JOSD1: variants seen among roughly 807,000 people sequenced by gnomAD.
JOSD1 encodes Josephin domain containing 1, also known as josephin-1.
JOSD1 carries 11 observed loss-of-function variants against 24.3 expected under a neutral mutation model. That is an observed-to-expected ratio of 0.45 (90% confidence interval 0.29 to 0.75). The LOEUF (loss-of-function observed/expected upper bound fraction) is 0.75, where lower values mean the gene tolerates loss of function less well. JOSD1 is among the 30% of genes least tolerant of loss of function. JOSD1 has a pLI of 0.11. For missense variants in JOSD1, 184 were observed against 253.5 expected (o/e 0.73, Z 1.86); for synonymous variants, 106 against 93.8 (o/e 1.13, Z -0.75).
chr22:38,692,799 A>AAG, intron 2 of JOSD1, among the ~76,000 whole-genome samples: 1 of 150,854 alleles, frequency 6.6e-6, no homozygotes, highest in African/African-American at 2.4e-5. Flanking sequence ...AAAAAAAAAA[A>AAG]AAAAAAGAAA....
chr22:38,700,756 G>A, intron 1 of JOSD1, 44 bp downstream of exon 1: 1 of 984,106 alleles, frequency 1.0e-6, no homozygotes, highest in Non-Finnish European at 1.2e-6. Context: ...TCAGCCTCGC[G>A]CTCCCGGGCC....
Position 38,700,552 on chromosome 22 carries a change from G to A in JOSD1, c.-565C>T. 1.0e-6 allele frequency: 1 copy of A among 985,774 alleles called. No individual in the cohort carries two copies. The highest frequency in any genetic ancestry group is 1.2e-6 in the Non-Finnish European group (1 of 830,162). The allele number at this position is 985,774 out of a possible 1,614,324, so 61.1% of individuals were successfully genotyped here. On this transcript the variant is annotated 5_prime_UTR_variant, in exon 2 of 5. Transcript: ENST00000683374. ...TCGGGGGCAGCCCTCCATCCCCTCGGGTACGGTGGGGCCCGCAGGGCGCGG... is the reference window on the plus strand; with the variant it reads ...TCGGGGGCAGCCCTCCATCCCCTCGAGTACGGTGGGGCCCGCAGGGCGCGG...
intron 2 of JOSD1, 126 bp downstream of exon 2, chr22:38,699,677 C>G: frequency 1.1e-6 from 1 of 899,872 alleles, no homozygotes; most frequent in Non-Finnish European, 1.8e-6. Flanking sequence ...TCTTGTGTCC[C>G]TTATACCTGC....
chr22:38,691,991 T>G (rs1171735772), intron 2 of JOSD1, among the ~76,000 whole-genome samples: 1 of 152,190 alleles, frequency 6.6e-6, no homozygotes, highest in Admixed American at 6.5e-5. Context: ...TGTTCAGTGT[T>G]TATTTTTGTT....
intron 4 of JOSD1, among the ~76,000 whole-genome samples, chr22:38,688,451 C>G (rs1438029671): frequency 6.6e-6 from 1 of 152,126 alleles, no homozygotes; most frequent in East Asian, 1.9e-4. Context: ...TTAGTAGAGA[C>G]AGAGTTTCAC....
intron 2 of JOSD1, 112 bp from the exon 3 acceptor site, chr22:38,689,536 C>T: frequency 1.4e-6 from 2 of 1,387,444 alleles, no homozygotes; most frequent in Non-Finnish European, 2.0e-6. Flanking sequence ...AGTTAGTTTC[C>T]CCACATTCAA....
chr22:38,700,697 A>T, intron 1 of JOSD1, 79 bp from the exon 2 acceptor site: 1 of 973,126 alleles, frequency 1.0e-6, no homozygotes, highest in Non-Finnish European at 1.2e-6. Context: ...TGCCCGAGGG[A>T]AGGTTCCGCG....
chr22:38,689,916 G>C (rs1170080412), intron 2 of JOSD1, among the ~76,000 whole-genome samples: 5 of 138,906 alleles, frequency 3.6e-5, no homozygotes, highest in East Asian at 2.0e-4. Flanking sequence ...GGCATTCTGT[G>C]TGTGTGTGTG....
Position 38,699,972 on chromosome 22 carries a change from A to G in JOSD1, c.16T>C (p.Trp6Arg), listed in dbSNP as rs202131287. ...TCAGATTTGGCCTTGTCTCCTTTCCATGGCACACAACTCATGTTTTTTGTT... is the reference window on the plus strand; with the variant it reads ...TCAGATTTGGCCTTGTCTCCTTTCCGTGGCACACAACTCATGTTTTTTGTT... MSCVP[W>R]KGDKAKSESL... is the part of the protein sequence containing the mutation. Residue 6 changes from tryptophan to arginine, a missense_variant, in exon 2 of 5, where the codon TGG (tryptophan) becomes CGG (arginine). Transcript: ENST00000683374. 2 of 1,608,486 alleles carry G rather than the reference A, an allele frequency of 1.2e-6. No individual in the cohort carries two copies. Among genetic ancestry groups the G allele is most frequent in the Non-Finnish European group, 1.7e-6 (2 of 1,176,874 alleles).
intron 1 of JOSD1, 31 bp downstream of exon 1, chr22:38,700,769 C>G: frequency 1.0e-6 from 1 of 984,802 alleles, no homozygotes; most frequent in Non-Finnish European, 1.2e-6. Context: ...CCCGGGCCCG[C>G]GCCCACCCGG....
intron 2 of JOSD1, among the ~76,000 whole-genome samples, chr22:38,699,563 C>T (rs2092558660): frequency 6.6e-6 from 1 of 152,200 alleles, no homozygotes; most frequent in Non-Finnish European, 1.5e-5. Flanking sequence ...AACACGTATT[C>T]CACGGGACTG....
upstream of JOSD1, chr22:38,701,225 G>T (rs1484407354): frequency 3.3e-5 from 5 of 153,294 alleles, no homozygotes; most frequent in African/African-American, 1.2e-4. Flanking sequence ...GCTCGGCGCG[G>T]CCCCTGGCGG....
intron 2 of JOSD1, among the ~76,000 whole-genome samples, chr22:38,694,081 C>T (rs998067014): frequency 6.6e-6 from 1 of 152,184 alleles, no homozygotes. Flanking sequence ...AATTTGAATA[C>T]AGGAAATATT....
intron 2 of JOSD1, among the ~76,000 whole-genome samples, chr22:38,694,283 T>G (rs2092535498): frequency 6.6e-6 from 1 of 152,136 alleles, no homozygotes; most frequent in Non-Finnish European, 1.5e-5. Flanking sequence ...GTGCAAAGGT[T>G]ATGGTGACTT....
In JOSD1 at chr22:38,687,756, C is replaced by T. The variant is rs1305677041; in HGVS notation, c.*146G>A. On this transcript the variant is annotated 3_prime_UTR_variant, in exon 5 of 5. Transcript: ENST00000683374. ...TGAGTAGTTCTTATAACAGTCCACA[C>T]GTCTGTCCTATTGCACTGTCAGATC... 1.3e-5 allele frequency: 8 copies of T among 633,010 alleles called. No homozygotes were observed. Among genetic ancestry groups the T allele is most frequent in the South Asian group, 1.9e-5 (1 of 52,244 alleles). The allele number at this position is 633,010 out of a possible 1,614,324, so 39.2% of individuals were successfully genotyped here.
At chr22:38,693,251 A>G (rs2092530951) in intron 2 of JOSD1, among the ~76,000 whole-genome samples, 1 of 152,214 alleles carries the variant, frequency 6.6e-6, no homozygotes, top group South Asian at 2.1e-4. Flanking sequence ...TAGCTTTCCA[A>G]TGATCTTTCT....
intron 2 of JOSD1, among the ~76,000 whole-genome samples, chr22:38,691,107 G>GCAATCC (rs2092519994): frequency 6.6e-6 from 1 of 152,118 alleles, no homozygotes; most frequent in Non-Finnish European, 1.5e-5. Context: ...GCTCACACCT[G>GCAATCC]CAATCCCAGC....
At position 38,700,897 on chromosome 22, in the gene JOSD1, C is replaced by G. The variant is rs1434462952; in HGVS notation, c.-729G>C. ...CCGGGACTGCTCGCCGCTGGCGGTC[C>G]CCTCACCGCAGCCGGCCGCCACCTG... On this transcript the variant is annotated 5_prime_UTR_variant, in exon 1 of 5. Coordinates refer to ENST00000683374, the MANE Select transcript of JOSD1 (RefSeq NM_001360236.2). The G allele has an allele frequency of 2.0e-6, 2 of 984,390 alleles. No homozygotes were observed. The highest frequency in any genetic ancestry group is 2.4e-6 in the Non-Finnish European group (2 of 829,642). 61.0% of individuals were successfully genotyped at this position (984,390 alleles called of 1,614,324 possible). A position where few individuals can be genotyped will look rare whatever the true frequency, so the allele number is the denominator to read the frequency against.
At chr22:38,693,257 T>C (rs2092531007) in intron 2 of JOSD1, among the ~76,000 whole-genome samples, 1 of 152,226 alleles carries the variant, frequency 6.6e-6, no homozygotes, top group Non-Finnish European at 1.5e-5. Flanking sequence ...TCCAATGATC[T>C]TTCTTCCCTG....
Sources: allele counts gnomAD v4.1 joint callset (sites outside exome capture counted in the v4.1 genomes callset), GRCh38; gene constraint gnomAD v4.1.1; transcripts MANE v1.5; gene names NCBI Gene and HGNC (gene_info 2026-07-23, HGNC 2026-07-21).